Variants in IGFN1 observed in about 807,000 individuals in gnomAD.
IGFN1 encodes the protein immunoglobulin-like and fibronectin type III domain-containing protein 1.
A neutral mutation model predicts 289.5 loss-of-function variants in IGFN1; 253 were observed. That is an observed-to-expected ratio of 0.87 (90% CI 0.79 to 0.97). The LOEUF (loss-of-function observed/expected upper bound fraction) is 0.97, where lower values mean the gene tolerates loss of function less well. IGFN1 is among the 50% of genes least tolerant of loss of function. The pLI is 0.00. For synonymous variants in IGFN1, 1,706 were observed against 1,788.5 expected, an observed-to-expected ratio of 0.95 and a Z score of 1.16; for missense variants, 4,470 against 4,686.1, an observed-to-expected ratio of 0.95 and a Z score of 1.35.
chr1:201,205,903 C>G (rs1277701191), intron 11 of IGFN1, among the ~76,000 whole-genome samples, 180 bp from the exon 12 acceptor site: 5 of 152,178 alleles, frequency 3.3e-5, no homozygotes, highest in Admixed American at 1.3e-4. Flanking sequence ...CCCATCCATC[C>G]CTGGAACACC....
intron 1 of IGFN1, among the ~76,000 whole-genome samples, chr1:201,192,141 A>G (rs1351057166): frequency 2.6e-5 from 4 of 152,194 alleles, no homozygotes; most frequent in African/African-American, 7.2e-5. Context: ...TTGGCGTACC[A>G]TGGCATTCCA....
In IGFN1 at chr1:201,224,684, GCCCATGCCTGAGGTGA is replaced by G. The variant is rs749930245; in HGVS notation, c.10299_10314del (p.Met3434GlyfsTer2). ...TCCTTCCTCTCCTTTCTCAGGCCATGCCCATGCCTGAGGTGACCTGGCTGAAGGATGGCTTGCCCTT... is the reference window on the plus strand; with the variant it reads ...TCCTTCCTCTCCTTTCTCAGGCCATGCCTGGCTGAAGGATGGCTTGCCCTT... On this transcript the variant is annotated frameshift_variant, in exon 21 of 24. Coordinates refer to ENST00000335211, the MANE Select transcript of IGFN1 (RefSeq NM_001164586.2). LOFTEE classifies it high-confidence loss of function. 1 of 1,613,892 alleles carries G rather than the reference GCCCATGCCTGAGGTGA, an allele frequency of 6.2e-7. No individual in the cohort carries two copies. Among genetic ancestry groups the G allele is most frequent in the Non-Finnish European group, 8.5e-7 (1 of 1,179,882 alleles).
chr1:201,205,331 C>T lies in IGFN1; in HGVS notation c.1166C>T (p.Ser389Phe), dbSNP rs150450722. ...TCGCTGGGCACCGGGCTCTACACTT[C>T]CAGCGCCTGGCTGGTGGTTGAAGGT... Reference protein sequence around the residue: ...PYSLGTGLYTSSAWLVVEAGK... With the variant: ...PYSLGTGLYTFSAWLVVEAGK... Residue 389 changes from serine (S) to phenylalanine (F), a missense_variant, in exon 11 of 24, where the codon TCC (serine) becomes TTC (phenylalanine). Coordinates refer to ENST00000335211, the MANE Select transcript of IGFN1 (RefSeq NM_001164586.2). The T allele has an allele frequency of 7.6e-5, 117 of 1,541,610 alleles. No individual in the cohort carries two copies. In the East Asian group the frequency reaches 2.8e-3, roughly 38 times the overall value.
At position 201,194,160 on chromosome 1, in the gene IGFN1, T is replaced by C; in HGVS notation, c.14T>C (p.Leu5Pro). The change falls in exon 3 of 24, where the codon CTC becomes CCC. Residue 5 changes from leucine (L) to proline (P), a missense_variant. This residue lies in a region of IGFN1 where 2,011 missense variants were observed against 1,953.4 expected (regional missense o/e 1.03). Coordinates refer to ENST00000335211, the MANE Select transcript of IGFN1 (RefSeq NM_001164586.2). MAGK[L>P]RKSHIPGVSI... is the part of the protein sequence containing the mutation. Reference sequence around the variant, plus strand: ...TCCCTCCTGCATTCTCCAGGAAAGCTCCGGAAGTCCCACATCCCTGGAGTG... The same window carrying C: ...TCCCTCCTGCATTCTCCAGGAAAGCCCCGGAAGTCCCACATCCCTGGAGTG... 6.4e-7 allele frequency: 1 copy of C among 1,551,440 alleles called. No homozygotes were observed. The highest frequency in any genetic ancestry group is 8.7e-7 in the Non-Finnish European group (1 of 1,146,888).
chr1:201,205,318 G>A lies in IGFN1; in HGVS notation c.1153G>A (p.Gly385Arg), dbSNP rs770358996. ...SDMGPYSLGTGLYTSSAWLVV... is the reference protein window; with the variant it reads ...SDMGPYSLGTRLYTSSAWLVV... Reference sequence around the variant, plus strand: ...CATGGGCCCCTATTCGCTGGGCACCGGGCTCTACACTTCCAGCGCCTGGCT... The same window carrying A: ...CATGGGCCCCTATTCGCTGGGCACCAGGCTCTACACTTCCAGCGCCTGGCT... Residue 385 changes from glycine to arginine, a missense_variant, in exon 11 of 24, where the codon GGG becomes AGG. Around this residue, in one of 8 missense-constraint regions of IGFN1, gnomAD observed 2,011 missense variants for 1,953.4 expected, o/e 1.03. Coordinates refer to ENST00000335211, the MANE Select transcript of IGFN1 (RefSeq NM_001164586.2). 16 of 1,548,148 alleles carry A rather than the reference G, an allele frequency of 1.0e-5. No homozygotes were observed. Among genetic ancestry groups the A allele is most frequent in the Admixed American group, 2.0e-5 (1 of 50,882 alleles).
intron 3 of IGFN1, 146 bp downstream of exon 3, chr1:201,194,419 G>C (rs932019087): frequency 1.1e-6 from 1 of 869,778 alleles, no homozygotes; most frequent in South Asian, 1.8e-5. Context: ...TATCCTTGAG[G>C]GGGTATGTGC....
Position 201,208,303 on chromosome 1 carries a change from G to C in IGFN1, c.3410G>C (p.Gly1137Ala). 6.6e-7 allele frequency: 1 copy of C among 1,526,104 alleles called. No homozygotes were observed. Among genetic ancestry groups the C allele is most frequent in the African/African-American group, 1.4e-5 (1 of 72,214 alleles). 94.5% of individuals were successfully genotyped at this position (1,526,104 alleles called of 1,614,324 possible). A position where few individuals can be genotyped will look rare whatever the true frequency, so the allele number is the denominator to read the frequency against. Residue 1137 changes from glycine to alanine, a missense_variant, in exon 12 of 24, where the codon GGA becomes GCA. By Grantham distance (60) the Gly-to-Ala change is moderately conservative (BLOSUM62 0). Transcript: ENST00000335211. ...GCCTCAGAGGCCCTGGGGGCCTTTG[G>C]AGAAGGAGGCTATGAAGATGGCTCT... ...FRASEALGAF[G>A]EGGYEDGSGG...
rs1354603362 is a variant in IGFN1 at position 201,216,614 on chromosome 1, C to T, written c.9456C>T (p.Gly3152=). ...GCAGGAGCACTTGGCTGAAGGTGGG[C>T]GAGGCCCCCGCTGACAGCACCACCT... The part of the protein sequence containing the change: ...QAGRSTWLKV[G]EAPADSTTFT... Residue 3152 remains glycine (G), a synonymous_variant, in exon 16 of 24, where the codon GGC becomes GGT. Coordinates refer to ENST00000335211, the MANE Select transcript of IGFN1 (RefSeq NM_001164586.2). The T allele has an allele frequency of 3.7e-6, 6 of 1,613,736 alleles. No individual in the cohort carries two copies. In the East Asian group the frequency reaches 6.7e-5, roughly 18 times the overall value.
chr1:201,222,588 C>T, intron 19 of IGFN1, 151 bp from the exon 20 acceptor site: 1 of 561,864 alleles, frequency 1.8e-6, no homozygotes, highest in South Asian at 2.3e-5. Context: ...CCCAGCTGTA[C>T]TCCAGTCCTT....
Position 201,208,412 on chromosome 1 carries a change from TA to T in IGFN1, c.3521del (p.Lys1174ArgfsTer137). ...GGGATGGGACAAGATGCCCTGGTGC[TA>T]AGGCCTCTGGAGCTGGAGCTGGTTA... is the stretch of plus-strand genomic sequence containing the variant. The part of the protein sequence containing the change: ...EGDGTRCPGA[K>X]ASGAGAGYRD... On this transcript the variant is annotated frameshift_variant, in exon 12 of 24. Coordinates refer to ENST00000335211, the MANE Select transcript of IGFN1 (RefSeq NM_001164586.2). LOFTEE classifies it high-confidence loss of function. 1 of 1,448,798 alleles carries T rather than the reference TA, an allele frequency of 6.9e-7. No individual in the cohort carries two copies. Among genetic ancestry groups the T allele is most frequent in the Non-Finnish European group, 9.0e-7 (1 of 1,108,532 alleles). 89.7% of individuals were successfully genotyped at this position (1,448,798 alleles called of 1,614,324 possible). A position where few individuals can be genotyped will look rare whatever the true frequency, so the allele number is the denominator to read the frequency against.
chr1:201,212,190 G>A lies in IGFN1; in HGVS notation c.7297G>A (p.Ala2433Thr). Residue 2433 changes from alanine (A) to threonine (T), a missense_variant, in exon 12 of 24, where the codon GCA becomes ACA. Around this residue, in one of 8 missense-constraint regions of IGFN1, gnomAD observed 2,218 missense variants for 2,114.1 expected, o/e 1.05. Transcript: ENST00000335211. ...TGGGATGGCTGGAATGCCAGGCACT[G>A]CAGGTGGCATGGCACACAGAGACAG... is the stretch of plus-strand genomic sequence containing the variant. ...EPGMAGMPGTAGGMAHRDSLR... is the reference protein window; with the variant it reads ...EPGMAGMPGTTGGMAHRDSLR... The A allele has an allele frequency of 6.5e-7, 1 of 1,535,414 alleles. No homozygotes were observed. The highest frequency in any genetic ancestry group is 8.7e-7 in the Non-Finnish European group (1 of 1,146,234).
chr1:201,225,836 C>T lies in IGFN1; in HGVS notation c.10499C>T (p.Ala3500Val), dbSNP rs753675452. 6.2e-6 allele frequency: 10 copies of T among 1,611,902 alleles called. No homozygotes were observed. The East Asian group carries it at 2.2e-4, about 36-fold the overall frequency. Residue 3500 changes from alanine to valine, a missense_variant, in exon 22 of 24, where the codon GCC becomes GTC. Ala to Val is a moderately conservative substitution (Grantham distance 64). Coordinates refer to ENST00000335211, the MANE Select transcript of IGFN1 (RefSeq NM_001164586.2). ...FRIRVAACPQ[A>V]PGPIHLQENV... ...GTCTCTCCTGAAGCATGCCCGCAGG[C>T]CCCTGGGCCCATCCACCTGCAGGAG...
In IGFN1 at chr1:201,225,946, C is replaced by A; in HGVS notation, c.10609C>A (p.Arg3537Ser). Residue 3537 changes from arginine (R) to serine (S), a missense_variant, in exon 22 of 24, where the codon CGC becomes AGC. Arg to Ser is a moderately radical substitution (Grantham distance 110). Around this residue, in one of 8 missense-constraint regions of IGFN1, gnomAD observed 2,218 missense variants for 2,114.1 expected, o/e 1.05. Transcript: ENST00000335211. ...CCCGCTGCACTACGCGGTGTTCACA[C>A]GCTCCTCAGCGCACGGTCCCTGGCA... ...DVPLHYAVFT[R>S]SSAHGPWHEA... is the part of the protein sequence containing the mutation. 6.3e-7 allele frequency: 1 copy of A among 1,596,468 alleles called. No homozygotes were observed. The highest frequency in any genetic ancestry group is 1.7e-5 in the Admixed American group (1 of 58,256).
intron 13 of IGFN1, 93 bp from the exon 14 acceptor site, chr1:201,214,920 G>T: frequency 7.6e-7 from 1 of 1,307,778 alleles, no homozygotes; most frequent in Admixed American, 2.1e-5. Context: ...CTGTTATCAG[G>T]ATCCCAGCAT....
rs780790608 is a variant in IGFN1 at position 201,207,602 on chromosome 1, G to A, written c.2709G>A (p.Gly903=). The A allele has an allele frequency of 2.0e-6, 3 of 1,536,916 alleles. No homozygotes were observed. Among genetic ancestry groups the A allele is most frequent in the African/African-American group, 2.7e-5 (2 of 73,000 alleles). Residue 903 remains glycine (G), a synonymous_variant, in exon 12 of 24, where the codon GGG becomes GGA. Transcript: ENST00000335211. The stretch of plus-strand genomic sequence containing the variant: ...GCCTGGGTGCTCAGGGATCTGGGGG[G>A]ACACTAGGAGATAAGAAAGGATTAA... ...APGLGAQGSG[G]TLGDKKGLRG...
intron 11 of IGFN1, 132 bp from the exon 12 acceptor site, chr1:201,205,951 T>C: frequency 1.5e-6 from 1 of 680,772 alleles, no homozygotes; most frequent in Non-Finnish European, 2.5e-6. Flanking sequence ...GCTTCTCTCC[T>C]GGGGAAGTCC....
chr1:201,197,255 G>C lies in IGFN1; in HGVS notation c.305G>C (p.Arg102Pro), dbSNP rs4915221. ...ACAGGCGAGGACACGGATCTGTACCGCTGCACAGCAGTAAATGCGTACGGA... is the reference window on the plus strand; with the variant it reads ...ACAGGCGAGGACACGGATCTGTACCCCTGCACAGCAGTAAATGCGTACGGA... ...KLTGEDTDLY[R>P]CTAVNAYGEA... is the part of the protein sequence containing the mutation. Residue 102 changes from arginine (R) to proline (P), a missense_variant, in exon 5 of 24, where the codon CGC (arginine) becomes CCC (proline). Physicochemically the swap from Arg to Pro is moderately radical, Grantham distance 103. Coordinates refer to ENST00000335211, the MANE Select transcript of IGFN1 (RefSeq NM_001164586.2). The C allele has an allele frequency of 1.3e-6, 2 of 1,551,160 alleles. No individual in the cohort carries two copies. The highest frequency in any genetic ancestry group is 1.7e-6 in the Non-Finnish European group (2 of 1,146,612).
intron 17 of IGFN1, among the ~76,000 whole-genome samples, chr1:201,218,270 G>A (rs1167828032): frequency 6.6e-6 from 1 of 152,260 alleles, no homozygotes; most frequent in Non-Finnish European, 1.5e-5. Context: ...GTAAGGCAGA[G>A]ACAACCAGGG....
Position 201,210,563 on chromosome 1 carries a change from T to C in IGFN1, c.5670T>C (p.Tyr1890=). Residue 1890 remains tyrosine, a synonymous_variant, in exon 12 of 24, where the codon TAT becomes TAC. Transcript: ENST00000335211. ...TGGGGTCAATGGATGAGGCAGGTTA[T>C]AGGAAGGATTTGTGGGCTCCTGAGG... ...GEMGSMDEAG[Y]RKDLWAPEGI... is the part of the protein sequence containing the mutation. The C allele has an allele frequency of 7.2e-7, 1 of 1,385,286 alleles. No homozygotes were observed. The highest frequency in any genetic ancestry group is 9.4e-7 in the Non-Finnish European group (1 of 1,064,328). The allele number at this position is 1,385,286 out of a possible 1,614,324, so 85.8% of individuals were successfully genotyped here.
Sources: allele counts gnomAD v4.1 joint callset (sites outside exome capture counted in the v4.1 genomes callset), GRCh38; gene constraint gnomAD v4.1.1; regional missense constraint gnomAD v4.1.1; transcripts MANE v1.5; gene names NCBI Gene and HGNC (gene_info 2026-07-23, HGNC 2026-07-21).